The following TAPBPL variants were observed in gnomAD, a reference collection of about 807,000 sequenced individuals.
TAPBPL encodes tapasin-related protein.
A neutral mutation model predicts 44.8 loss-of-function variants in TAPBPL; 32 were observed. The observed-to-expected ratio is 0.71, with a 90% CI of 0.54 to 0.96. The LOEUF (loss-of-function observed/expected upper bound fraction) is 0.96. TAPBPL is among the 40% of genes least tolerant of loss of function. The pLI is 0.00. For missense variants in TAPBPL, 520 were observed against 586.6 expected (o/e 0.89, Z 1.17); for synonymous variants, 230 against 240.7 (o/e 0.96, Z 0.41).
chr12:6,468,704 G>A (rs1003155929), downstream of TAPBPL, among the ~76,000 whole-genome samples: 4 of 152,154 alleles, frequency 2.6e-5, no homozygotes, highest in Non-Finnish European at 4.4e-5. Context: ...CTCAAAGTTA[G>A]TGTGTGGTCT....
At chr12:6,457,343 T>G in intron 3 of TAPBPL, 63 bp from the exon 4 acceptor site, 9 of 1,515,208 alleles carry the variant, frequency 5.9e-6, no homozygotes, top group African/African-American at 1.4e-5. Context: ...GCCCACAGCT[T>G]GGAGATCAGG....
Position 6,453,728 on chromosome 12 carries a change from A to G in TAPBPL, c.565+12A>G. The G allele has an allele frequency of 6.3e-7, 1 of 1,576,904 alleles. No individual in the cohort carries two copies. On this transcript the variant is annotated intron_variant, in intron 3 of 6. Coordinates refer to ENST00000266556, the MANE Select transcript of TAPBPL (RefSeq NM_018009.5). The surrounding 1 kb of genome is among the most constrained non-coding windows in gnomAD (Gnocchi z 4.8). ...TGTGCGAACTGCAGGTAAGAAAATG[A>G]AAAGCAAGGCCAGGTGTGGTGGCTC...
At chr12:6,463,426 C>T (rs1418484436), downstream of TAPBPL, 5 of 1,052,542 alleles carry the variant, frequency 4.8e-6, no homozygotes, top group South Asian at 6.1e-5. This position sits in a 1 kb window ranked among gnomAD's most constrained non-coding sequence, Gnocchi z 4.0. Context: ...GGCAAGTGCA[C>T]GGGTGGTGTG....
chr12:6,464,690 G>T (rs1034969), downstream of TAPBPL: 459,566 of 1,491,888 alleles, frequency 0.31, 71,559 homozygotes, highest in South Asian at 0.35. Context: ...CCTGCAATGC[G>T]TTGCAGGGGG....
At position 6,452,200 on chromosome 12, in the gene TAPBPL, G is replaced by C. The variant is rs759945641; in HGVS notation, c.-49G>C. ...CCGCCGGGCCTCGCAAGCAGCGTAG[G>C]ACTGTGGAGAAGGGCGGTGGGCAAG... On this transcript the variant is annotated 5_prime_UTR_variant, in exon 1 of 7. Coordinates refer to ENST00000266556, the MANE Select transcript of TAPBPL (RefSeq NM_018009.5). 2.6e-6 allele frequency: 4 copies of C among 1,554,724 alleles called. No homozygotes were observed. The East Asian group carries it at 7.1e-5, about 28-fold the overall frequency.
At chr12:6,470,912 C>T (rs1945761838), downstream of TAPBPL, 1 of 287,504 alleles carries the variant, frequency 3.5e-6, no homozygotes, top group East Asian at 7.7e-5. Context: ...TCCAGTCTGG[C>T]GGAGGGACGG....
At position 6,453,362 on chromosome 12, in the gene TAPBPL, C is replaced by G; in HGVS notation, c.295+65C>G. The G allele has an allele frequency of 1.9e-6, 3 of 1,608,836 alleles. No homozygotes were observed. The highest frequency in any genetic ancestry group is 2.5e-6 in the Non-Finnish European group (3 of 1,176,974). ...CCCTCCACCAGGACAGCCCAGGTCC[C>G]GATTACAGCCACACATACTGCCTCC... On this transcript the variant is annotated intron_variant, in intron 2 of 6. Coordinates refer to ENST00000266556, the MANE Select transcript of TAPBPL (RefSeq NM_018009.5). The surrounding 1 kb of genome is among the most constrained non-coding windows in gnomAD (Gnocchi z 4.8).
At chr12:6,459,081 CCTGA>C (rs1272964917) in intron 5 of TAPBPL, 134 bp downstream of exon 5, 29 of 1,049,182 alleles carry the variant, frequency 2.8e-5, no homozygotes, top group Admixed American at 1.1e-4. Flanking sequence ...TGCCTCTGCT[CCTGA>C]CTATTTTCCC....
At chr12:6,456,523 C>G (rs1025736691) in intron 3 of TAPBPL, among the ~76,000 whole-genome samples, 1 of 151,958 alleles carries the variant, frequency 6.6e-6, no homozygotes, top group South Asian at 2.1e-4. Context: ...GCCACGACAC[C>G]CAGCTAATTT....
intron 1 of TAPBPL, 119 bp from the exon 2 acceptor site, chr12:6,452,948 A>T: frequency 9.5e-7 from 1 of 1,051,344 alleles, no homozygotes; most frequent in Non-Finnish European, 1.4e-6. Context: ...AGAAACAGCT[A>T]GGATCTTGGA....
chr12:6,466,513 T>G, downstream of TAPBPL: 1 of 641,700 alleles, frequency 1.6e-6, no homozygotes, highest in Non-Finnish European at 2.5e-6. Context: ...CGAGACCCCA[T>G]CTCTAAAAAA....
chr12:6,456,464 A>G (rs1949705364), intron 3 of TAPBPL, among the ~76,000 whole-genome samples: 1 of 151,260 alleles, frequency 6.6e-6, no homozygotes, highest in African/African-American at 2.4e-5. Flanking sequence ...TCCTGGGTTC[A>G]AGTGATTCTC....
chr12:6,465,213 C>A, downstream of TAPBPL: 1 of 490,434 alleles, frequency 2.0e-6, no homozygotes, highest in Non-Finnish European at 3.8e-6. Flanking sequence ...CTTTAGAAGG[C>A]ATTCCAATAG....
chr12:6,470,052 A>C (rs889296651), downstream of TAPBPL, among the ~76,000 whole-genome samples: 1 of 152,158 alleles, frequency 6.6e-6, no homozygotes, highest in African/African-American at 2.4e-5. Context: ...GCTAGACATC[A>C]CACTTTGGGT....
chr12:6,465,416 A>ATATATATATATAAATGTATATATATG (rs1949992884), downstream of TAPBPL: 1 of 93,504 alleles, frequency 1.1e-5, no homozygotes, highest in African/African-American at 5.3e-5. Flanking sequence ...ATATATATGT[A>ATATATATATATAAATGTATATATATG]TATATATATA....
chr12:6,471,699 C>G, the TAPBPL span, among the ~76,000 whole-genome samples: 7 of 152,042 alleles, frequency 4.6e-5, no homozygotes, highest in African/African-American at 1.4e-4. This position sits in a 1 kb window ranked among gnomAD's most constrained non-coding sequence, Gnocchi z 4.0. Context: ...TGGTGGCGGG[C>G]GCCTGTAATC....
At position 6,458,712 on chromosome 12, in the gene TAPBPL, T is replaced by C. The variant is rs780521278; in HGVS notation, c.972T>C (p.Ala324=). ...TGCCCACCCTCATCTGCGACATTGC[T>C]GGCTATTACCCTCTGGATGTGGTGG... ...ALLPTLICDI[A]GYYPLDVVVT... is the part of the protein sequence containing the mutation. Residue 324 remains alanine (A), a synonymous_variant, in exon 5 of 7, where the codon GCT becomes GCC. Coordinates refer to ENST00000266556, the MANE Select transcript of TAPBPL (RefSeq NM_018009.5). 2.5e-6 allele frequency: 4 copies of C among 1,614,082 alleles called. No homozygotes were observed. The highest frequency in any genetic ancestry group is 2.5e-6 in the Non-Finnish European group (3 of 1,180,044).
chr12:6,459,057 T>G, intron 5 of TAPBPL, 110 bp downstream of exon 5: 1 of 1,263,960 alleles, frequency 7.9e-7, no homozygotes, highest in South Asian at 1.5e-5. Context: ...TTCGCAGCCC[T>G]GGCTTCATGC....
At chr12:6,454,260 G>A (rs563305088) in intron 3 of TAPBPL, among the ~76,000 whole-genome samples, 1 of 152,026 alleles carries the variant, frequency 6.6e-6, no homozygotes, top group South Asian at 2.1e-4. Context: ...CCTGAGGTCA[G>A]GAGTTCAAGA....
Sources: gnomAD v4.1 joint callset for allele counts (sites outside exome capture counted in the v4.1 genomes callset) on GRCh38, gnomAD v4.1.1 for gene constraint, Gnocchi (gnomAD v3.1) non-coding constraint, MANE v1.5 for transcripts, NCBI Gene and HGNC (gene_info 2026-07-23, HGNC 2026-07-21) for gene names.